The following COPG2 variants were observed in gnomAD, a reference collection of about 807,000 sequenced individuals.
The protein encoded by COPG2 is coat protein complex I subunit gamma 2.
A neutral mutation model predicts 46.3 loss-of-function variants in COPG2; 37 were observed. That is an observed-to-expected ratio of 0.80 (90% CI 0.61 to 1.05). The LOEUF (loss-of-function observed/expected upper bound fraction) is 1.05. Ranked by LOEUF, COPG2 falls within the 50% of genes least tolerant of loss-of-function variation. The probability of loss-of-function intolerance (pLI) is 0.00; values close to 1 mark genes in which losing one functional copy is unlikely to be tolerated. For synonymous variants in COPG2, 159 were observed against 129.7 expected (o/e 1.23, Z -1.53); for missense variants, 427 against 387.8 (o/e 1.10, Z -0.85).
intron 9 of COPG2, among the ~76,000 whole-genome samples, chr7:130,610,325 G>T (rs1277962085): frequency 2.6e-5 from 4 of 152,160 alleles, no homozygotes; most frequent in African/African-American, 4.8e-5. Flanking sequence ...TCCCCTTTCA[G>T]CAGGGCATTA....
intron 20 of COPG2, among the ~76,000 whole-genome samples, chr7:130,537,470 A>G (rs1177621712): frequency 6.7e-6 from 1 of 150,336 alleles, no homozygotes; most frequent in Non-Finnish European, 1.5e-5. Flanking sequence ...GAGAGAACGC[A>G]GCATGGTGCA....
intron 9 of COPG2, among the ~76,000 whole-genome samples, chr7:130,565,378 G>A (rs2116407685): frequency 6.6e-6 from 1 of 152,262 alleles, no homozygotes; most frequent in South Asian, 2.1e-4. Flanking sequence ...ACAAGATACA[G>A]AATAAAGACT....
At chr7:130,655,686 C>T (rs1795835880) in intron 4 of COPG2, among the ~76,000 whole-genome samples, 1 of 152,172 alleles carries the variant, frequency 6.6e-6, no homozygotes, top group South Asian at 2.1e-4. Context: ...TGAGAGAGAA[C>T]TAGGCCTGTA....
At chr7:130,605,159 C>A (rs782406037) in intron 9 of COPG2, 1 of 517,886 alleles carries the variant, frequency 1.9e-6, no homozygotes, top group Non-Finnish European at 3.9e-6. Context: ...TGTTTTCTCT[C>A]TGTTCTTCAA....
chr7:130,527,159 C>T (rs1799782588), intron 20 of COPG2, among the ~76,000 whole-genome samples: 1 of 151,610 alleles, frequency 6.6e-6, no homozygotes, highest in Admixed American at 6.6e-5. Flanking sequence ...GATGGGTGTC[C>T]ATAACACCTG....
chr7:130,514,434 A>G (rs1451165881), intron 20 of COPG2, among the ~76,000 whole-genome samples: 1 of 152,218 alleles, frequency 6.6e-6, no homozygotes, highest in East Asian at 1.9e-4. Context: ...AAACAAATGA[A>G]TATCATGTAA....
At chr7:130,545,132 T>G (rs1470903623) in intron 20 of COPG2, among the ~76,000 whole-genome samples, 2 of 151,846 alleles carry the variant, frequency 1.3e-5, no homozygotes, top group African/African-American at 4.8e-5. Context: ...CACCAAAAGG[T>G]TCTATGTGTC....
chr7:130,615,480 T>C (rs1297272976), intron 6 of COPG2, among the ~76,000 whole-genome samples: 1 of 152,224 alleles, frequency 6.6e-6, no homozygotes, highest in Non-Finnish European at 1.5e-5. Context: ...AAGATTCTGA[T>C]AGGCCACCCC....
chr7:130,523,904 C>T (rs1329140630), intron 20 of COPG2, among the ~76,000 whole-genome samples: 3 of 151,054 alleles, frequency 2.0e-5, no homozygotes, highest in Non-Finnish European at 2.9e-5. Context: ...GCGGAGGAGC[C>T]GGGTCTCAGG....
intron 10 of COPG2, among the ~76,000 whole-genome samples, chr7:130,563,858 G>A (rs1326055369): frequency 2.1e-5 from 3 of 142,092 alleles, no homozygotes; most frequent in African/African-American, 7.9e-5. Flanking sequence ...AAAAAAATTA[G>A]AATACCCATT....
At chr7:130,641,056 G>A (rs560588051) in intron 5 of COPG2, among the ~76,000 whole-genome samples, 111 of 151,264 alleles carry the variant, frequency 7.3e-4, no homozygotes, top group Middle Eastern at 3.4e-3. Flanking sequence ...TAGAACAACC[G>A]AGGCTAGGGG....
rs891659781 is a variant in COPG2 at position 130,551,898 on chromosome 7, A to T, written c.1544+457T>A. Among the ~76,000 whole-genome samples, 6 of 152,228 alleles carry T rather than the reference A, an allele frequency of 3.9e-5. No homozygotes were observed. The South Asian group carries it at 1.2e-3, about 31-fold the overall frequency. On this transcript the variant is annotated intron_variant, in intron 15 of 23. Transcript: ENST00000425248. ...GAAAAACTATTATTTTTAACTCTGC[A>T]TAGTGAATTACCTAACAGTTTTTTT...
chr7:130,513,308 AATATATATATATATAT>A (rs1197540092), intron 20 of COPG2, among the ~76,000 whole-genome samples: 48 of 55,676 alleles, frequency 8.6e-4, no homozygotes, highest in Middle Eastern at 0.016. Flanking sequence ...AAAAAAAAAA[AATATATATATATATAT>A]ATATATATAT....
chr7:130,640,097 CACAAACAA>C (rs781902291), intron 5 of COPG2, among the ~76,000 whole-genome samples: 1 of 149,344 alleles, frequency 6.7e-6, no homozygotes, highest in Non-Finnish European at 1.5e-5. Context: ...ACAAGAAAAA[CACAAACAA>C]ACAAACAAAC....
chr7:130,650,457 A>C (rs1470367685), intron 5 of COPG2, among the ~76,000 whole-genome samples: 1 of 151,968 alleles, frequency 6.6e-6, no homozygotes, highest in African/African-American at 2.4e-5. Context: ...CAAACAAAAA[A>C]CTCTCAGTCA....
intron 5 of COPG2, among the ~76,000 whole-genome samples, chr7:130,651,558 G>A (rs1381939123): frequency 2.4e-5 from 3 of 124,578 alleles, no homozygotes; most frequent in East Asian, 2.6e-4. Flanking sequence ...CCCCCAGGTC[G>A]GACTGCGGAC....
intron 11 of COPG2, 138 bp downstream of exon 11, chr7:130,563,131 C>T (rs1793743035): frequency 2.6e-6 from 1 of 384,222 alleles, no homozygotes; most frequent in Non-Finnish European, 4.6e-6. Context: ...CTCAAGGCCA[C>T]AAATACAAGT....
At position 130,626,642 on chromosome 7, in the gene COPG2, G is replaced by C. The variant is rs141265100; in HGVS notation, c.324-9577C>G. On this transcript the variant is annotated intron_variant, in intron 5 of 23. Transcript: ENST00000425248. ...TATTCTCCAAAATAAACCTATCTTTGACTGTTGAGCTGCTTTTCATGTTTC... is the reference window on the plus strand; with the variant it reads ...TATTCTCCAAAATAAACCTATCTTTCACTGTTGAGCTGCTTTTCATGTTTC... 4.9e-3 allele frequency among the ~76,000 whole-genome samples: 753 copies of C among 152,188 alleles called. 4 individuals carry two copies. Among genetic ancestry groups the C allele is most frequent in the African/African-American group, 0.017 (715 of 41,514 alleles).
intron 5 of COPG2, among the ~76,000 whole-genome samples, chr7:130,641,787 A>C (rs1554457348): frequency 6.6e-6 from 1 of 152,186 alleles, no homozygotes; most frequent in African/African-American, 2.4e-5. Context: ...TTTCTTACTA[A>C]GTGGATGAAC....
Sources: gnomAD v4.1 joint callset for allele counts (sites outside exome capture counted in the v4.1 genomes callset) on GRCh38, gnomAD v4.1.1 for gene constraint, MANE v1.5 for transcripts, NCBI Gene and HGNC (gene_info 2026-07-23, HGNC 2026-07-21) for gene names.